IL1RAPL1: variants seen among roughly 807,000 people sequenced by gnomAD.
IL1RAPL1 encodes interleukin-1 receptor accessory protein-like 1.
A neutral mutation model predicts 48.4 loss-of-function variants in IL1RAPL1; 3 were observed. The observed-to-expected ratio is 0.06, with a 90% CI of 0.03 to 0.16. The LOEUF (loss-of-function observed/expected upper bound fraction) is 0.16. Among genes scored for constraint, IL1RAPL1 ranks in the 10% least tolerant of loss-of-function variants. The pLI, the probability that IL1RAPL1 is intolerant of heterozygous loss-of-function variation, is 1.00. For missense variants in IL1RAPL1, 349 were observed against 530.6 expected, an observed-to-expected ratio of 0.66 and a Z score of 3.36; for synonymous variants, 185 against 187.7, an observed-to-expected ratio of 0.99 and a Z score of 0.12.
At chrX:28,876,158 A>G (rs145664691) in intron 2 of IL1RAPL1, among the ~76,000 whole-genome samples, 264 of 111,555 alleles carry the variant, frequency 2.4e-3, no homozygotes, top group Middle Eastern at 9.2e-3. Flanking sequence ...GTATTCCTTT[A>G]TAGGGCCACA....
intron 2 of IL1RAPL1, among the ~76,000 whole-genome samples, chrX:29,138,634 G>A (rs1456136670): frequency 1.9e-5 from 2 of 106,867 alleles, no homozygotes; most frequent in African/African-American, 6.8e-5. Flanking sequence ...AAAATTAGCA[G>A]GACTTGGTAA....
intron 1 of IL1RAPL1, among the ~76,000 whole-genome samples, chrX:28,704,011 G>A (rs1935332332): frequency 9.0e-6 from 1 of 111,568 alleles, no homozygotes; most frequent in Admixed American, 9.6e-5. Flanking sequence ...GCAAAAGTGG[G>A]GAAATGGAGT....
At chrX:28,669,685 A>G (rs986875480) in intron 1 of IL1RAPL1, among the ~76,000 whole-genome samples, 1 of 104,129 alleles carries the variant, frequency 9.6e-6, no homozygotes, top group Non-Finnish European at 1.9e-5. Flanking sequence ...ATAATATAAT[A>G]TAATTTTATA....
At chrX:29,531,714 C>G (rs113305566) in intron 5 of IL1RAPL1, among the ~76,000 whole-genome samples, 2,592 of 112,138 alleles carry the variant, frequency 0.023, 76 homozygotes, top group African/African-American at 0.079. Context: ...CAGCCATGCT[C>G]TCTCTTAAGG....
intron 1 of IL1RAPL1, among the ~76,000 whole-genome samples, chrX:28,735,210 G>A (rs1935806303): frequency 9.0e-6 from 1 of 110,804 alleles, no homozygotes. Context: ...TCATTGTTTT[G>A]TCTCTTCAAC....
chrX:29,051,126 A>G lies in IL1RAPL1; in HGVS notation c.83-231812A>G, dbSNP rs182252632. Among the ~76,000 whole-genome samples the G allele has an allele frequency of 7.7e-4, 87 of 112,477 alleles. No homozygotes were observed. In the Middle Eastern group the frequency reaches 0.014, roughly 18 times the overall value. On this transcript the variant is annotated intron_variant, in intron 2 of 10. Transcript: ENST00000378993. ...TAGCAATATCAGAATTTCTACACCA[A>G]TAGCATTAAATGATAATCCCTCTCT...
At chrX:29,425,074 AGCCTGACAGAGCCAT>A (rs1309197014) in intron 5 of IL1RAPL1, among the ~76,000 whole-genome samples, 1 of 111,607 alleles carries the variant, frequency 9.0e-6, no homozygotes, top group Non-Finnish European at 1.9e-5. Flanking sequence ...AGCCACTGTA[AGCCTGACAGAGCCAT>A]TTTAGCCTCT....
chrX:29,905,334 AGTTTCTTTTGTTG>A (rs1336348030), intron 6 of IL1RAPL1, among the ~76,000 whole-genome samples: 1 of 110,787 alleles, frequency 9.0e-6, no homozygotes, highest in Non-Finnish European at 1.9e-5. Flanking sequence ...CTCTAATACT[AGTTTCTTTTGTTG>A]TGCAGAAGCT....
chrX:28,786,711 G>A (rs909844813), intron 1 of IL1RAPL1, among the ~76,000 whole-genome samples: 5 of 111,907 alleles, frequency 4.5e-5, no homozygotes, highest in African/African-American at 1.6e-4. Flanking sequence ...AGTGGTTTAT[G>A]TGAAGCCAAA....
intron 2 of IL1RAPL1, among the ~76,000 whole-genome samples, chrX:29,081,054 CT>C (rs1927829599): frequency 9.0e-5 from 5 of 55,741 alleles, no homozygotes; most frequent in Non-Finnish European, 1.8e-4. Flanking sequence ...CTTTTCTTTT[CT>C]TTTCTTTCTT....
rs72251327 is a variant in IL1RAPL1, at chrX:29,803,364, CAT to C, written c.779-114097_779-114096del. On this transcript the variant is annotated intron_variant, in intron 6 of 10. Coordinates refer to ENST00000378993, the MANE Select transcript of IL1RAPL1 (RefSeq NM_014271.4). ...ATGTATATATGTATACATGTATACA[CAT>C]ATGTATATATGTATACATGTATACA... Among the ~76,000 whole-genome samples the C allele has an allele frequency of 7.9e-3, 633 of 80,610 alleles. 9 individuals are homozygous for C. The highest frequency in any genetic ancestry group is 0.012 in the Non-Finnish European group (513 of 42,928). The allele number at this position is 80,610 out of a possible 115,157, so 70.0% of individuals were successfully genotyped here. A position where few individuals can be genotyped will look rare whatever the true frequency, so the allele number is the denominator to read the frequency against.
At chrX:28,604,153 A>G (rs1934058355) in intron 1 of IL1RAPL1, among the ~76,000 whole-genome samples, 1 of 112,035 alleles carries the variant, frequency 8.9e-6, no homozygotes, top group African/African-American at 3.2e-5. Flanking sequence ...TTTTTTCCCT[A>G]CTTTTCCCTA....
At chrX:29,270,864 TA>T (rs977200343) in intron 2 of IL1RAPL1, among the ~76,000 whole-genome samples, 26 of 112,019 alleles carry the variant, frequency 2.3e-4, no homozygotes, top group African/African-American at 8.4e-4. Flanking sequence ...TAATTTTTTT[TA>T]AACTTCTGTT....
intron 5 of IL1RAPL1, among the ~76,000 whole-genome samples, chrX:29,578,907 C>G (rs1482732249): frequency 1.8e-5 from 2 of 111,818 alleles, no homozygotes; most frequent in East Asian, 5.6e-4. Flanking sequence ...AATGAATGGG[C>G]AATTTGGGCT....
chrX:29,358,626 G>A (rs1207477055), intron 3 of IL1RAPL1, among the ~76,000 whole-genome samples: 1 of 110,402 alleles, frequency 9.1e-6, no homozygotes, highest in Non-Finnish European at 1.9e-5. Flanking sequence ...TATACATTAT[G>A]ACATGATTAA....
At chrX:29,493,995 A>G in intron 5 of IL1RAPL1, among the ~76,000 whole-genome samples, 2 of 111,359 alleles carry the variant, frequency 1.8e-5, no homozygotes. Flanking sequence ...CCCAGGTTCA[A>G]GTGACTCCTC....
intron 6 of IL1RAPL1, among the ~76,000 whole-genome samples, chrX:29,822,420 T>C (rs976969054): frequency 7.2e-5 from 8 of 110,514 alleles, no homozygotes; most frequent in Non-Finnish European, 1.5e-4. Context: ...ACTTTAAACA[T>C]TTTTTTGAAC....
chrX:28,907,498 G>A (rs184804272), intron 2 of IL1RAPL1, among the ~76,000 whole-genome samples: 2 of 112,250 alleles, frequency 1.8e-5, no homozygotes, highest in African/African-American at 3.2e-5. Flanking sequence ...CAAGTGATGC[G>A]TACACCTCAA....
In IL1RAPL1 at chrX:28,744,426, C is replaced by T. The variant is rs1285936755; in HGVS notation, c.-24-44894C>T. Among the ~76,000 whole-genome samples, 4 of 111,380 alleles carry T rather than the reference C, an allele frequency of 3.6e-5. 1 individual carries two copies. The highest frequency in any genetic ancestry group is 1.9e-4 in the Admixed American group (2 of 10,377). On this transcript the variant is annotated intron_variant, in intron 1 of 10. Transcript: ENST00000378993. ...ATTAGGTAATTTGCCCGAGGTCACA[C>T]AGGTCTTAAATTTTATAAGCAGTAT...
Sources: allele counts gnomAD v4.1 joint callset (sites outside exome capture counted in the v4.1 genomes callset), GRCh38; gene constraint gnomAD v4.1.1; transcripts MANE v1.5; gene names NCBI Gene and HGNC (gene_info 2026-07-23, HGNC 2026-07-21).